The following CNTN4 variants were observed in gnomAD, a reference collection of about 807,000 sequenced individuals.
The protein encoded by CNTN4 is contactin 4, also known as contactin-4.
Under a neutral mutation model 122.5 loss-of-function variants are expected in CNTN4, and 77 were observed. The observed-to-expected ratio is 0.63, with a 90% confidence interval of 0.52 to 0.76. The LOEUF is 0.76. CNTN4 is among the 30% of genes least tolerant of loss of function. The pLI, the probability that CNTN4 is intolerant of heterozygous loss-of-function variation, is 0.00. For synonymous variants in CNTN4, 512 were observed against 447.0 expected (o/e 1.15, Z -1.83); for missense variants, 1,256 against 1,259.1 (o/e 1.00, Z 0.04).
chr3:2,168,027 C>T (rs190293336), intron 2 of CNTN4, among the ~76,000 whole-genome samples: 10 of 152,176 alleles, frequency 6.6e-5, no homozygotes, highest in Admixed American at 1.3e-4. Flanking sequence ...ATGGTTCTAG[C>T]TAGGCTGAGC....
rs2079416742 is a variant in CNTN4, at chr3:2,571,460, C to G, written c.-44C>G. 7.0e-7 allele frequency: 1 copy of G among 1,433,276 alleles called. No individual in the cohort carries two copies. The highest frequency in any genetic ancestry group is 9.8e-7 in the Non-Finnish European group (1 of 1,015,252). 88.8% of individuals were successfully genotyped at this position (1,433,276 alleles called of 1,614,324 possible). ...TTAAAAGAAGCAGCAATTCTATTCG[C>G]TTGTTATTGGACTTGAAACTCCCTT... On this transcript the variant is annotated 5_prime_UTR_variant, in exon 4 of 25. Coordinates refer to ENST00000418658, the MANE Select transcript of CNTN4 (RefSeq NM_175607.3).
intron 4 of CNTN4, among the ~76,000 whole-genome samples, chr3:2,603,331 A>G (rs1034633617): frequency 1.3e-5 from 2 of 152,156 alleles, no homozygotes; most frequent in Non-Finnish European, 2.9e-5. Flanking sequence ...TTCAGAAGGT[A>G]CTTTAGGATG....
chr3:2,306,890 G>A (rs1380074541), intron 2 of CNTN4, among the ~76,000 whole-genome samples: 1 of 134,266 alleles, frequency 7.4e-6, no homozygotes, highest in African/African-American at 3.3e-5. Context: ...TATTTTAAAT[G>A]AAATTTTTTT....
Position 2,709,457 on chromosome 3 carries a change from G to C in CNTN4, c.56-26758G>C, listed in dbSNP as rs548162775. On this transcript the variant is annotated intron_variant, in intron 4 of 24. Transcript: ENST00000418658. This position sits in a 1 kb window ranked among gnomAD's most constrained non-coding sequence, Gnocchi z 5.0. ...CCTCAGGTGATCATCGTGTGCAATG[G>C]GGGATGGGAACTACTGAAACCTAAT... 6.6e-6 allele frequency among the ~76,000 whole-genome samples: 1 copy of C among 152,120 alleles called. No homozygotes were observed. Among genetic ancestry groups the C allele is most frequent in the African/African-American group, 2.4e-5 (1 of 41,498 alleles).
intron 12 of CNTN4, among the ~76,000 whole-genome samples, chr3:2,920,707 C>A (rs1241323245): frequency 6.6e-6 from 1 of 152,070 alleles, no homozygotes; most frequent in Non-Finnish European, 1.5e-5. Flanking sequence ...GTATGAAGTT[C>A]TTAATCTGGA....
At chr3:2,807,189 G>C (rs1215810118) in intron 6 of CNTN4, among the ~76,000 whole-genome samples, 1 of 152,178 alleles carries the variant, frequency 6.6e-6, no homozygotes, top group East Asian at 1.9e-4. Flanking sequence ...GTGCACTTAA[G>C]AGCAAGGGGC....
intron 7 of CNTN4, among the ~76,000 whole-genome samples, chr3:2,863,402 G>A (rs1264509282): frequency 7.0e-6 from 1 of 143,104 alleles, no homozygotes; most frequent in Non-Finnish European, 1.5e-5. Flanking sequence ...AGGTTCCTTA[G>A]CATCTTCTGT....
chr3:2,833,185 G>A (rs2093140322), intron 7 of CNTN4, among the ~76,000 whole-genome samples: 1 of 152,274 alleles, frequency 6.6e-6, no homozygotes, highest in Non-Finnish European at 1.5e-5. Context: ...AGAAAACATG[G>A]ATTCTATGAA....
At chr3:2,237,490 G>GAA (rs1011601991) in intron 2 of CNTN4, among the ~76,000 whole-genome samples, 1 of 151,960 alleles carries the variant, frequency 6.6e-6, no homozygotes, top group African/African-American at 2.4e-5. Flanking sequence ...AAAACAAAAG[G>GAA]AAAAGCGAAA....
chr3:2,396,649 T>C (rs1206846989), intron 3 of CNTN4, among the ~76,000 whole-genome samples: 2 of 142,676 alleles, frequency 1.4e-5, no homozygotes, highest in Non-Finnish European at 3.2e-5. Context: ...TCAAGTGTTA[T>C]GTCTGGGTTT....
intron 3 of CNTN4, among the ~76,000 whole-genome samples, chr3:2,480,142 A>C (rs1411629341): frequency 1.3e-5 from 2 of 152,000 alleles, no homozygotes; most frequent in Non-Finnish European, 2.9e-5. Flanking sequence ...AATATCTAAA[A>C]AAAACCCTAC....
chr3:2,909,075 T>C (rs11129337), intron 12 of CNTN4, among the ~76,000 whole-genome samples: 63,900 of 152,094 alleles, frequency 0.42, 13,676 homozygotes, highest in East Asian at 0.69. Flanking sequence ...AGTTATTTCA[T>C]AGGGACTTTC....
At chr3:2,424,133 G>A (rs549023292) in intron 3 of CNTN4, among the ~76,000 whole-genome samples, 1 of 149,038 alleles carries the variant, frequency 6.7e-6, no homozygotes, top group South Asian at 2.1e-4. Context: ...TGTTACATAC[G>A]TATACATCTG....
chr3:2,166,865 C>G (rs990548277), intron 2 of CNTN4, among the ~76,000 whole-genome samples: 10 of 151,980 alleles, frequency 6.6e-5, no homozygotes, highest in Admixed American at 3.9e-4. Context: ...ATGAATAGCT[C>G]CTTAATGGCT....
At chr3:2,850,115 G>A (rs971348220) in intron 7 of CNTN4, among the ~76,000 whole-genome samples, 3 of 151,056 alleles carry the variant, frequency 2.0e-5, no homozygotes, top group Non-Finnish European at 4.4e-5. Flanking sequence ...TCAGCCTCCC[G>A]AATAGCTGGG....
intron 3 of CNTN4, among the ~76,000 whole-genome samples, chr3:2,349,839 C>G (rs937625795): frequency 2.0e-5 from 3 of 152,134 alleles, no homozygotes; most frequent in African/African-American, 7.2e-5. Context: ...CAACCCGAAA[C>G]AAGCTAGAGA....
At chr3:2,842,691 G>A (rs976503447) in intron 7 of CNTN4, among the ~76,000 whole-genome samples, 1 of 152,114 alleles carries the variant, frequency 6.6e-6, no homozygotes, top group Admixed American at 6.5e-5. Context: ...TACTAAAGCT[G>A]ATGATAAATT....
intron 2 of CNTN4, among the ~76,000 whole-genome samples, chr3:2,271,623 A>G (rs1271187963): frequency 2.0e-5 from 3 of 152,148 alleles, no homozygotes; most frequent in Non-Finnish European, 4.4e-5. Flanking sequence ...TAAATAGCCA[A>G]GAAAACAGCC....
At chr3:2,789,189 G>A (rs2091930532) in intron 6 of CNTN4, among the ~76,000 whole-genome samples, 1 of 152,152 alleles carries the variant, frequency 6.6e-6, no homozygotes, top group Admixed American at 6.5e-5. Flanking sequence ...ACCAGATTGT[G>A]GAGGTTGAAA....
Sources: allele counts gnomAD v4.1 joint callset (sites outside exome capture counted in the v4.1 genomes callset), GRCh38; gene constraint gnomAD v4.1.1; non-coding constraint Gnocchi (gnomAD v3.1); transcripts MANE v1.5; gene names NCBI Gene and HGNC (gene_info 2026-07-23, HGNC 2026-07-21).